CLDN16: variants seen among roughly 807,000 people sequenced by gnomAD.
CLDN16 encodes claudin 16, also known as claudin-16.
CLDN16 carries 13 observed loss-of-function variants against 24.6 expected under a neutral mutation model. That is an observed-to-expected ratio of 0.53 (90% CI 0.34 to 0.84). CLDN16 has a LOEUF of 0.84. CLDN16 is among the 40% of genes least tolerant of loss of function. The probability of loss-of-function intolerance (pLI) is 0.01; values close to 1 mark genes in which losing one functional copy is unlikely to be tolerated. For missense variants in CLDN16, 298 were observed against 292.7 expected (o/e 1.02, Z -0.13); for synonymous variants, 116 against 106.7 (o/e 1.09, Z -0.54).
the CLDN16 span, among the ~76,000 whole-genome samples, chr3:190,302,930 A>G: frequency 6.6e-6 from 1 of 151,852 alleles, no homozygotes; most frequent in Admixed American, 6.6e-5. Flanking sequence ...AAAAATAAGA[A>G]TAAACCCCAA....
chr3:190,355,031 C>G (rs183931423), intron 1 of CLDN16, among the ~76,000 whole-genome samples: 2 of 152,078 alleles, frequency 1.3e-5, no homozygotes, highest in East Asian at 3.9e-4. Context: ...TTTCTTGGCA[C>G]TGTTATATTC....
chr3:190,311,479 A>C, the CLDN16 span, among the ~76,000 whole-genome samples: 1 of 152,206 alleles, frequency 6.6e-6, no homozygotes, highest in African/African-American at 2.4e-5. Context: ...ATTACTGGTT[A>C]AACTGACATA....
chr3:190,343,745 T>A (rs1717488390), intron 1 of CLDN16, among the ~76,000 whole-genome samples: 1 of 151,892 alleles, frequency 6.6e-6, no homozygotes, highest in African/African-American at 2.4e-5. Context: ...TATGGAATCT[T>A]AAAAAAATGG....
At chr3:190,300,077 G>C in the CLDN16 span, among the ~76,000 whole-genome samples, 80 of 152,300 alleles carry the variant, frequency 5.3e-4, 1 homozygote, top group African/African-American at 1.9e-3. Context: ...AGCTCTATTG[G>C]CTAATTCTCT....
chr3:190,368,251 A>T lies in CLDN16; in HGVS notation n.122-2642A>T, dbSNP rs138716243. ...GAAAGCACACTCTGTCCCTCTGAAC[A>T]CTCTGTGGGAAGCCTATGAAGGGGC... On this transcript the variant is annotated intron_variant and non_coding_transcript_variant, in intron 1 of 4. Transcript: ENST00000468220. Among the ~76,000 whole-genome samples the T allele has an allele frequency of 5.2e-3, 783 of 152,018 alleles. 3 individuals are homozygous for T. The highest frequency in any genetic ancestry group is 0.015 in the African/African-American group (607 of 41,518).
rs141958963 is a variant in CLDN16 at position 190,362,976 on chromosome 3, A to G, written n.122-7917A>G. The stretch of plus-strand genomic sequence containing the variant: ...TATTTTTTCTGCTTCGGTTTATTGA[A>G]CTTGCATATGTGCATTTTTTAAAAA... On this transcript the variant is annotated intron_variant and non_coding_transcript_variant, in intron 1 of 4. Transcript: ENST00000468220. Among the ~76,000 whole-genome samples the G allele has an allele frequency of 5.4e-4, 82 of 152,034 alleles. 2 individuals are homozygous for G. The East Asian group carries it at 0.015, about 28-fold the overall frequency.
intron 1 of CLDN16, among the ~76,000 whole-genome samples, chr3:190,328,024 A>G (rs1485901174): frequency 6.6e-6 from 1 of 152,032 alleles, no homozygotes; most frequent in Non-Finnish European, 1.5e-5. Context: ...GCTCATCCCT[A>G]TAATCCTAAC....
intron 1 of CLDN16, among the ~76,000 whole-genome samples, chr3:190,323,939 C>A (rs1002066181): frequency 1.2e-4 from 18 of 152,034 alleles, no homozygotes; most frequent in African/African-American, 4.1e-4. Context: ...AGACCATGTT[C>A]GTGTTGTATC....
At position 190,348,335 on chromosome 3, in the gene CLDN16, A is replaced by ATGTGTGTGTGTGTGTGTGTG. The variant is rs57246894; in HGVS notation, n.122-22547_122-22528dup. On this transcript the variant is annotated intron_variant and non_coding_transcript_variant, in intron 1 of 4. Coordinates refer to the CLDN16 transcript ENST00000468220. ...TGTCAAGGAAGACAGCAAGACTGCA[A>ATGTGTGTGTGTGTGTGTGTG]TGTGTGTGTGTGTGTGTGTGTGTGT... is the stretch of plus-strand genomic sequence containing the variant. Among the ~76,000 whole-genome samples, 5 of 138,448 alleles carry ATGTGTGTGTGTGTGTGTGTG rather than the reference A, an allele frequency of 3.6e-5. No homozygotes were observed. In the South Asian group the frequency reaches 1.2e-3, roughly 33 times the overall value. 90.8% of individuals were successfully genotyped at this position (138,448 alleles called of 152,430 possible). A position where few individuals can be genotyped will look rare whatever the true frequency, so the allele number is the denominator to read the frequency against.
chr3:190,401,478 C>G (rs1170229803), intron 1 of CLDN16, among the ~76,000 whole-genome samples: 1 of 152,200 alleles, frequency 6.6e-6, no homozygotes, highest in Non-Finnish European at 1.5e-5. Context: ...ATTGTATTAG[C>G]TCTGTTCCAT....
chr3:190,354,855 C>T (rs1051165778), intron 1 of CLDN16, among the ~76,000 whole-genome samples: 2 of 151,960 alleles, frequency 1.3e-5, no homozygotes, highest in Non-Finnish European at 2.9e-5. Context: ...CCATTCCTGC[C>T]CTTTCTGAAA....
At chr3:190,311,834 A>G in the CLDN16 span, among the ~76,000 whole-genome samples, 1 of 152,128 alleles carries the variant, frequency 6.6e-6, no homozygotes, top group Admixed American at 6.5e-5. Flanking sequence ...TTAAATAGGC[A>G]TTATTATAAA....
chr3:190,324,376 G>T (rs1465204540), intron 1 of CLDN16, among the ~76,000 whole-genome samples: 1 of 152,102 alleles, frequency 6.6e-6, no homozygotes, highest in Non-Finnish European at 1.5e-5. Context: ...CCAGCTACTT[G>T]GGAGGCTGAG....
chr3:190,381,139 G>C (rs549865193), intron 3 of CLDN16, among the ~76,000 whole-genome samples: 1 of 152,060 alleles, frequency 6.6e-6, no homozygotes, highest in Non-Finnish European at 1.5e-5. Context: ...AGGTGACGCC[G>C]GTGCAGTGCA....
At chr3:190,345,631 G>A (rs561357472) in intron 1 of CLDN16, among the ~76,000 whole-genome samples, 18 of 152,248 alleles carry the variant, frequency 1.2e-4, no homozygotes, top group African/African-American at 4.1e-4. Flanking sequence ...TCTTTGATGA[G>A]GAAAAGGAAT....
At chr3:190,387,818 G>A (rs1431838305), upstream of CLDN16, 5 of 398,422 alleles carry the variant, frequency 1.3e-5, no homozygotes, top group Non-Finnish European at 2.4e-5. Flanking sequence ...TAAAGTAGTC[G>A]GCGAATATTA....
At chr3:190,327,451 C>T (rs895032316) in intron 1 of CLDN16, among the ~76,000 whole-genome samples, 3 of 152,160 alleles carry the variant, frequency 2.0e-5, no homozygotes, top group Non-Finnish European at 4.4e-5. Context: ...CATTTAGATT[C>T]TAAGGGCTTT....
intron 1 of CLDN16, among the ~76,000 whole-genome samples, chr3:190,326,577 A>G (rs1717066976): frequency 6.6e-6 from 1 of 152,172 alleles, no homozygotes; most frequent in Non-Finnish European, 1.5e-5. Flanking sequence ...CAAGAGGGAG[A>G]ATGGCGATGT....
intron 2 of CLDN16, among the ~76,000 whole-genome samples, chr3:190,403,261 G>T (rs1719007775): frequency 6.6e-6 from 1 of 150,848 alleles, no homozygotes; most frequent in Non-Finnish European, 1.5e-5. Flanking sequence ...GAACCCAGAA[G>T]GCAGAGGTTA....
Sources: allele counts gnomAD v4.1 joint callset (sites outside exome capture counted in the v4.1 genomes callset), GRCh38; gene constraint gnomAD v4.1.1; transcripts MANE v1.5; gene names NCBI Gene and HGNC (gene_info 2026-07-23, HGNC 2026-07-21).